NRG1: variants seen among roughly 807,000 people sequenced by gnomAD.
The protein encoded by NRG1 is neuregulin 1.
In NRG1, 18 loss-of-function variants were observed where a neutral mutation model predicts 63.8. The observed-to-expected ratio is 0.28, with a 90% CI of 0.19 to 0.42. The LOEUF (loss-of-function observed/expected upper bound fraction) is 0.42. Ranked by LOEUF, NRG1 falls within the 10% of genes least tolerant of loss-of-function variation. The pLI is 1.00. For missense variants in NRG1, 762 were observed against 814.7 expected (o/e 0.94, Z 0.79); for synonymous variants, 302 against 301.3 (o/e 1.00, Z -0.02).
At chr8:32,286,525 G>A (rs1292173867) in intron 1 of NRG1, among the ~76,000 whole-genome samples, 1 of 152,216 alleles carries the variant, frequency 6.6e-6, no homozygotes, top group East Asian at 1.9e-4. Flanking sequence ...GAGGTGTGTG[G>A]GTCATGGGGG....
intron 7 of NRG1, among the ~76,000 whole-genome samples, chr8:32,748,383 A>AGAGAGAGAGAGAGG (rs1827978153): frequency 6.6e-6 from 1 of 151,834 alleles, no homozygotes; most frequent in East Asian, 1.9e-4. Context: ...AGAGAGAGAG[A>AGAGAGAGAGAGAGG]GAGAGAGAGA....
Position 32,095,014 on chromosome 8 carries a change from C to T in NRG1, c.37+455583C>T, listed in dbSNP as rs531232133. ...GCAACCTCTGTCTCCCTGGTTCAAGCGATTCTCCTGCCTTAGCCTCCCAAG... is the reference window on the plus strand; with the variant it reads ...GCAACCTCTGTCTCCCTGGTTCAAGTGATTCTCCTGCCTTAGCCTCCCAAG... On this transcript the variant is annotated intron_variant, in intron 1 of 10. Coordinates refer to the NRG1 transcript ENST00000519301. Among the ~76,000 whole-genome samples, 20 of 151,354 alleles carry T rather than the reference C, an allele frequency of 1.3e-4. No homozygotes were observed. The East Asian group carries it at 2.9e-3, about 22-fold the overall frequency.
At chr8:31,822,882 A>G (rs747315819) in intron 1 of NRG1, among the ~76,000 whole-genome samples, 1 of 152,162 alleles carries the variant, frequency 6.6e-6, no homozygotes, top group Non-Finnish European at 1.5e-5. Flanking sequence ...TTTGCCATCA[A>G]TATTTTCATT....
intron 1 of NRG1, among the ~76,000 whole-genome samples, chr8:32,091,096 G>A (rs529788278): frequency 1.3e-4 from 20 of 152,120 alleles, no homozygotes; most frequent in South Asian, 1.2e-3. Context: ...TGGCTAACAC[G>A]GTGAAACCTG....
At chr8:31,715,020 C>T (rs906425194) in intron 1 of NRG1, among the ~76,000 whole-genome samples, 2 of 151,906 alleles carry the variant, frequency 1.3e-5, no homozygotes, top group African/African-American at 2.4e-5. Flanking sequence ...ATTTTTATGT[C>T]TGCATTTTTC....
intron 1 of NRG1, among the ~76,000 whole-genome samples, chr8:32,181,848 A>C (rs1370485995): frequency 1.3e-5 from 2 of 152,234 alleles, no homozygotes; most frequent in Non-Finnish European, 2.9e-5. Flanking sequence ...TGAAAAAAAA[A>C]CTGGCAATGG....
chr8:31,762,082 CT>C (rs1037081016), intron 1 of NRG1, among the ~76,000 whole-genome samples: 1 of 152,026 alleles, frequency 6.6e-6, no homozygotes, highest in South Asian at 2.1e-4. Flanking sequence ...AATTTCTTTT[CT>C]TTTTTTAAAA....
At chr8:32,007,687 T>A (rs185725454) in intron 1 of NRG1, among the ~76,000 whole-genome samples, 1 of 152,064 alleles carries the variant, frequency 6.6e-6, no homozygotes, top group Admixed American at 6.6e-5. Flanking sequence ...GCTATGTCAA[T>A]ATGTCAATTC....
chr8:32,503,121 T>C (rs1404906156), intron 1 of NRG1, among the ~76,000 whole-genome samples: 1 of 100,952 alleles, frequency 9.9e-6, no homozygotes, highest in Admixed American at 9.4e-5. Flanking sequence ...CCATCTCTAC[T>C]AAAAATACAA....
chr8:32,564,037 A>G (rs1407558365), intron 1 of NRG1, among the ~76,000 whole-genome samples: 1 of 152,164 alleles, frequency 6.6e-6, no homozygotes, highest in Non-Finnish European at 1.5e-5. Context: ...AAGTGGATTA[A>G]GCTGCTGTGA....
At chr8:31,689,465 C>G (rs1319919139) in intron 1 of NRG1, among the ~76,000 whole-genome samples, 1 of 152,076 alleles carries the variant, frequency 6.6e-6, no homozygotes, top group East Asian at 1.9e-4. Context: ...AAGAATTTAT[C>G]TATGAGGAAG....
At chr8:32,109,940 G>T (rs559334742) in intron 1 of NRG1, among the ~76,000 whole-genome samples, 1 of 152,216 alleles carries the variant, frequency 6.6e-6, no homozygotes, top group East Asian at 1.9e-4. Flanking sequence ...TAACTTTCTA[G>T]TTATGGCACT....
At chr8:32,059,345 C>G (rs958326722) in intron 1 of NRG1, among the ~76,000 whole-genome samples, 1 of 151,918 alleles carries the variant, frequency 6.6e-6, no homozygotes, top group African/African-American at 2.4e-5. Context: ...CTTACAACTC[C>G]TAGACATCGT....
intron 1 of NRG1, among the ~76,000 whole-genome samples, chr8:32,383,400 G>A (rs1237405416): frequency 1.1e-4 from 16 of 152,210 alleles, no homozygotes; most frequent in African/African-American, 3.9e-4. Context: ...CTCTAGACCC[G>A]TCATTGAGGG....
intron 5 of NRG1, among the ~76,000 whole-genome samples, chr8:32,722,502 T>C (rs1297954118): frequency 6.6e-6 from 1 of 152,194 alleles, no homozygotes; most frequent in African/African-American, 2.4e-5. Context: ...GGAAAATATT[T>C]AGTAACAAGC....
intron 1 of NRG1, among the ~76,000 whole-genome samples, chr8:32,056,039 C>A (rs1822878504): frequency 6.6e-6 from 1 of 152,104 alleles, no homozygotes; most frequent in South Asian, 2.1e-4. Context: ...AAGTCAACAA[C>A]AATTCACAGA....
At chr8:31,908,448 G>T (rs1348457284) in intron 1 of NRG1, among the ~76,000 whole-genome samples, 2 of 152,166 alleles carry the variant, frequency 1.3e-5, no homozygotes, top group African/African-American at 2.4e-5. Flanking sequence ...GCAGTGGTTT[G>T]TGGGTAGAAG....
chr8:32,670,774 T>C (rs1795067927), intron 5 of NRG1, among the ~76,000 whole-genome samples: 1 of 152,170 alleles, frequency 6.6e-6, no homozygotes, highest in South Asian at 2.1e-4. Flanking sequence ...CAAGGGACAG[T>C]GGAGGCCCAG....
intron 1 of NRG1, among the ~76,000 whole-genome samples, chr8:32,022,728 A>G (rs1317089427): frequency 6.6e-6 from 1 of 152,062 alleles, no homozygotes; most frequent in African/African-American, 2.4e-5. Flanking sequence ...GTAGCTCAAG[A>G]CCTCATAATT....
Sources: gnomAD v4.1 joint callset for allele counts (sites outside exome capture counted in the v4.1 genomes callset) on GRCh38, gnomAD v4.1.1 for gene constraint, MANE v1.5 for transcripts, NCBI Gene and HGNC (gene_info 2026-07-23, HGNC 2026-07-21) for gene names.